The following MYO18B variants were observed in gnomAD, a reference collection of about 807,000 sequenced individuals.
MYO18B encodes myosin XVIIIB, also known as unconventional myosin-XVIIIb.
Under a neutral mutation model 273.0 loss-of-function variants are expected in MYO18B, and 204 were observed. That is an observed-to-expected ratio of 0.75 (90% CI 0.67 to 0.84). The LOEUF is 0.84. MYO18B is among the 40% of genes least tolerant of loss of function. The pLI, the probability that MYO18B is intolerant of heterozygous loss-of-function variation, is 0.00. For missense variants in MYO18B, 3,212 were observed against 3,287.6 expected (o/e 0.98, Z 0.56); for synonymous variants, 1,330 against 1,305.7 (o/e 1.02, Z -0.40).
chr22:25,944,782 G>A (rs2092685092), intron 34 of MYO18B, among the ~76,000 whole-genome samples: 1 of 151,704 alleles, frequency 6.6e-6, no homozygotes, highest in Non-Finnish European at 1.5e-5. Context: ...GGGAGGTGGA[G>A]GTCGCAGTGA....
At chr22:26,002,739 C>T (rs1244889683) in intron 40 of MYO18B, among the ~76,000 whole-genome samples, 1 of 152,032 alleles carries the variant, frequency 6.6e-6, no homozygotes, top group African/African-American at 2.4e-5. Flanking sequence ...AAAATGGAGA[C>T]ACATGGGGTA....
intron 21 of MYO18B, among the ~76,000 whole-genome samples, chr22:25,864,428 T>C (rs1285220809): frequency 6.6e-6 from 1 of 152,204 alleles, no homozygotes. Flanking sequence ...ATGCTACTTA[T>C]ATGACCTTAT....
chr22:25,746,683 C>G (rs926333389), intron 1 of MYO18B, among the ~76,000 whole-genome samples: 2 of 152,196 alleles, frequency 1.3e-5, no homozygotes, highest in African/African-American at 4.8e-5. Flanking sequence ...AACATGGTAG[C>G]CATGAACCAC....
intron 34 of MYO18B, among the ~76,000 whole-genome samples, chr22:25,931,659 CTTTTCTTTTTTTTTCTTTTTTCTTT>C (rs2092502701): frequency 6.7e-6 from 1 of 149,134 alleles, no homozygotes; most frequent in African/African-American, 2.5e-5. Flanking sequence ...AGTATTATGC[CTTTTCTTTTTTTTTCTTTTTTCTTT>C]TTTTTTTTTT....
intron 40 of MYO18B, among the ~76,000 whole-genome samples, chr22:25,999,593 CT>C: frequency 7.8e-6 from 1 of 128,690 alleles, no homozygotes; most frequent in Non-Finnish European, 1.6e-5. Flanking sequence ...CCTCCTCTTC[CT>C]CCTTTCTCCT....
At chr22:26,013,380 G>A (rs1262796000) in intron 42 of MYO18B, among the ~76,000 whole-genome samples, 1 of 152,120 alleles carries the variant, frequency 6.6e-6, no homozygotes, top group Non-Finnish European at 1.5e-5. Flanking sequence ...CCACCACTGA[G>A]AAACCACAGT....
At chr22:25,958,364 C>G (rs2092878780) in intron 39 of MYO18B, among the ~76,000 whole-genome samples, 1 of 152,124 alleles carries the variant, frequency 6.6e-6, no homozygotes, top group Non-Finnish European at 1.5e-5. Flanking sequence ...CTGTCGTTTC[C>G]TTAATGCTTC....
In MYO18B at chr22:26,030,790, G is replaced by A. The variant is rs1936631697; in HGVS notation, c.*360G>A. The A allele has an allele frequency of 2.5e-6, 1 of 396,516 alleles. No homozygotes were observed. The highest frequency in any genetic ancestry group is 4.4e-6 in the Non-Finnish European group (1 of 225,276). 24.6% of individuals were successfully genotyped at this position (396,516 alleles called of 1,614,324 possible). A position where few individuals can be genotyped will look rare whatever the true frequency, so the allele number is the denominator to read the frequency against. ...TATTTCTCTTCCTACATGTCTACAT[G>A]CCATGACCTTCCTCCTCCTCTTCAC... On this transcript the variant is annotated 3_prime_UTR_variant, in exon 44 of 44. Transcript: ENST00000335473.
rs371577813 is a variant in MYO18B at position 26,027,408 on chromosome 22, A to G, written c.7434A>G (p.Glu2478=). 2.2e-5 allele frequency: 36 copies of G among 1,613,892 alleles called. 2 individuals are homozygous for G. Among genetic ancestry groups the G allele is most frequent in the African/African-American group, 1.3e-4 (10 of 74,928 alleles). The change falls in exon 43 of 44, where the codon GAA becomes GAG. Residue 2478 remains glutamate, a synonymous_variant. Coordinates refer to ENST00000335473, the MANE Select transcript of MYO18B (RefSeq NM_032608.7). The surrounding 1 kb of genome is among the most constrained non-coding windows in gnomAD (Gnocchi z 4.1). ...GTTCAAGCATCCACTTTGAAACGGA[A>G]GAGGCTAACCGTTCCTTTCTCTCGG... The part of the protein sequence containing the change: ...SQRSSIHFET[E]EANRSFLSGI...
intron 34 of MYO18B, among the ~76,000 whole-genome samples, chr22:25,945,596 G>T (rs913727900): frequency 6.6e-6 from 1 of 151,966 alleles, no homozygotes; most frequent in African/African-American, 2.4e-5. Context: ...CATGAGGGCC[G>T]CCTGTATATT....
chr22:25,891,178 G>C, intron 26 of MYO18B, 126 bp from the exon 27 acceptor site: 1 of 769,090 alleles, frequency 1.3e-6, no homozygotes, highest in South Asian at 1.8e-5. Flanking sequence ...CATGGTCCTG[G>C]ATTCTGCATG....
Position 25,956,272 on chromosome 22 carries a change from G to A in MYO18B, c.6156+908G>A, listed in dbSNP as rs183296962. 2.0e-5 allele frequency among the ~76,000 whole-genome samples: 3 copies of A among 151,032 alleles called. No individual in the cohort carries two copies. The East Asian group carries it at 5.9e-4, about 29-fold the overall frequency. ...GCACTGTTTGCCAGGCTGGGGTGCA[G>A]TGGCACGATCTCAGCTCACTATAAT... On this transcript the variant is annotated intron_variant, in intron 39 of 43. Transcript: ENST00000335473.
intron 12 of MYO18B, among the ~76,000 whole-genome samples, chr22:25,802,819 A>G (rs2088276365): frequency 6.6e-6 from 1 of 151,224 alleles, no homozygotes; most frequent in African/African-American, 2.4e-5. Context: ...ACCCATCCCT[A>G]AGCAATGCTT....
chr22:25,753,245 G>A (rs550645092), intron 1 of MYO18B, among the ~76,000 whole-genome samples: 3 of 152,202 alleles, frequency 2.0e-5, no homozygotes, highest in Non-Finnish European at 2.9e-5. Flanking sequence ...GTGTGGGGGG[G>A]GCGGGGGTTG....
intron 33 of MYO18B, among the ~76,000 whole-genome samples, chr22:25,912,177 A>C (rs961625030): frequency 2.0e-5 from 3 of 152,256 alleles, no homozygotes; most frequent in African/African-American, 7.2e-5. Context: ...TGAATTCCAC[A>C]GCAGGGACAC....
rs372556008 is a variant in MYO18B at position 26,028,917 on chromosome 22, C to G, written c.*12+1227C>G. Among the ~76,000 whole-genome samples, 9 of 150,428 alleles carry G rather than the reference C, an allele frequency of 6.0e-5. No homozygotes were observed. The East Asian group carries it at 1.8e-3, about 29-fold the overall frequency. On this transcript the variant is annotated intron_variant, in intron 43 of 43. Transcript: ENST00000335473. Reference sequence around the variant, plus strand: ...AAAAAAAAAAAAAAAAAATTCATTGCTAACCAAGGCTTACATTTATTGAGA... The same window carrying G: ...AAAAAAAAAAAAAAAAAATTCATTGGTAACCAAGGCTTACATTTATTGAGA...
chr22:26,009,050 A>G (rs973186013), intron 42 of MYO18B, among the ~76,000 whole-genome samples: 1 of 152,230 alleles, frequency 6.6e-6, no homozygotes, highest in African/African-American at 2.4e-5. Context: ...GTCATCGGGC[A>G]GTCGCTGTTC....
intron 1 of MYO18B, among the ~76,000 whole-genome samples, chr22:25,745,086 G>A (rs1353170176): frequency 6.6e-6 from 1 of 152,082 alleles, no homozygotes; most frequent in African/African-American, 2.4e-5. Flanking sequence ...CATTTGAATG[G>A]GGGCAGCAAA....
chr22:26,025,523 A>T (rs932539317), intron 42 of MYO18B, among the ~76,000 whole-genome samples: 1 of 152,214 alleles, frequency 6.6e-6, no homozygotes, highest in South Asian at 2.1e-4. Flanking sequence ...CGCCCTCAGC[A>T]TCTCTTCAGG....
Sources: gnomAD v4.1 joint callset for allele counts (sites outside exome capture counted in the v4.1 genomes callset) on GRCh38, gnomAD v4.1.1 for gene constraint, Gnocchi (gnomAD v3.1) non-coding constraint, MANE v1.5 for transcripts, NCBI Gene and HGNC (gene_info 2026-07-23, HGNC 2026-07-21) for gene names.